STAC: variants seen among roughly 807,000 people sequenced by gnomAD.
STAC encodes SH3 and cysteine-rich domain-containing protein.
In STAC, 43 loss-of-function variants were observed where a neutral mutation model predicts 48.8. That is an observed-to-expected ratio of 0.88 (90% confidence interval 0.69 to 1.14). STAC has a LOEUF of 1.14. Among genes scored for constraint, STAC ranks in the 50% most tolerant of loss-of-function variants. STAC has a pLI of 0.00. For synonymous variants in STAC, 193 were observed against 179.5 expected, an observed-to-expected ratio of 1.07 and a Z score of -0.60; for missense variants, 497 against 504.0, an observed-to-expected ratio of 0.99 and a Z score of 0.13.
At chr3:36,517,108 C>T (rs2125722409) in intron 8 of STAC, among the ~76,000 whole-genome samples, 1 of 152,216 alleles carries the variant, frequency 6.6e-6, no homozygotes, top group South Asian at 2.1e-4. Flanking sequence ...ATCACTGATA[C>T]CCAAGCTGTG....
intron 1 of STAC, among the ~76,000 whole-genome samples, chr3:36,400,976 A>T (rs1261162511): frequency 6.6e-6 from 1 of 152,188 alleles, no homozygotes; most frequent in Admixed American, 6.5e-5. Flanking sequence ...GGTTAGTCCA[A>T]CCTTTCATAC....
At chr3:36,432,538 C>T (rs1037074685) in intron 1 of STAC, among the ~76,000 whole-genome samples, 1 of 151,996 alleles carries the variant, frequency 6.6e-6, no homozygotes, top group Non-Finnish European at 1.5e-5. Context: ...TCCGTCTCTA[C>T]TAAAAATACA....
chr3:36,445,997 T>C (rs1436433530), intron 2 of STAC, among the ~76,000 whole-genome samples: 2 of 152,170 alleles, frequency 1.3e-5, no homozygotes, highest in African/African-American at 4.8e-5. Flanking sequence ...ACCCTTGCCA[T>C]AAGATCCCTG....
At chr3:36,501,723 A>C (rs949687956) in intron 6 of STAC, among the ~76,000 whole-genome samples, 1 of 152,188 alleles carries the variant, frequency 6.6e-6, no homozygotes, top group African/African-American at 2.4e-5. Flanking sequence ...CATTTAAGGA[A>C]GAGAAAATTT....
chr3:36,542,524 G>T (rs1699352304), intron 10 of STAC, among the ~76,000 whole-genome samples: 1 of 152,040 alleles, frequency 6.6e-6, no homozygotes, highest in Non-Finnish European at 1.5e-5. Context: ...GTCTCTTGAG[G>T]CTGGAATTTT....
chr3:36,470,409 T>C (rs1239350840), intron 2 of STAC, among the ~76,000 whole-genome samples: 1 of 152,246 alleles, frequency 6.6e-6, no homozygotes, highest in African/African-American at 2.4e-5. Flanking sequence ...AAGAGTCCTG[T>C]GACGTGATCC....
At chr3:36,447,968 T>G (rs1696562553) in intron 2 of STAC, among the ~76,000 whole-genome samples, 1 of 152,160 alleles carries the variant, frequency 6.6e-6, no homozygotes, top group South Asian at 2.1e-4. Flanking sequence ...CATTTTAAAA[T>G]GCAGCACCCA....
At chr3:36,449,385 G>A (rs1292454606) in intron 2 of STAC, among the ~76,000 whole-genome samples, 3 of 152,120 alleles carry the variant, frequency 2.0e-5, no homozygotes, top group Non-Finnish European at 4.4e-5. Context: ...AATTTGGCGT[G>A]TATCTCCTTA....
chr3:36,484,074 CT>C (rs1697733101), intron 3 of STAC, among the ~76,000 whole-genome samples: 1 of 152,200 alleles, frequency 6.6e-6, no homozygotes, highest in Non-Finnish European at 1.5e-5. Flanking sequence ...ACATCAACAG[CT>C]GTCTTCAACA....
chr3:36,519,620 G>A (rs928924287), intron 8 of STAC, among the ~76,000 whole-genome samples: 10 of 152,286 alleles, frequency 6.6e-5, no homozygotes, highest in Middle Eastern at 3.4e-3. Flanking sequence ...GTTAAGTATG[G>A]TTGCTAAGAC....
intron 10 of STAC, among the ~76,000 whole-genome samples, chr3:36,543,738 G>T (rs553418229): frequency 6.6e-6 from 1 of 152,112 alleles, no homozygotes; most frequent in African/African-American, 2.4e-5. Context: ...ACATTTTTTG[G>T]GTCAGTCCAG....
intron 2 of STAC, among the ~76,000 whole-genome samples, chr3:36,453,837 C>T (rs543132128): frequency 3.3e-4 from 51 of 152,330 alleles, no homozygotes; most frequent in African/African-American, 1.2e-3. Context: ...CGGCACTCTG[C>T]ATCTAGCTCA....
chr3:36,457,192 C>T (rs1458799372), intron 2 of STAC, among the ~76,000 whole-genome samples: 1 of 152,186 alleles, frequency 6.6e-6, no homozygotes, highest in African/African-American at 2.4e-5. Context: ...AATGGATCAT[C>T]ACAAACAAAC....
In STAC at chr3:36,547,620, A is replaced by G. The variant is rs144752655; in HGVS notation, c.*1331A>G. The G allele has an allele frequency of 6.5e-6, 1 of 152,788 alleles. No individual in the cohort carries two copies. The highest frequency in any genetic ancestry group is 6.5e-5 in the Admixed American group (1 of 15,302). The allele number at this position is 152,788 out of a possible 1,614,324, so 9.5% of individuals were successfully genotyped here. ...ATTTATTTTGTTACAGAGCAATAAAATCATTAGAACAATGGTTTTTAAAAG... is the reference window on the plus strand; with the variant it reads ...ATTTATTTTGTTACAGAGCAATAAAGTCATTAGAACAATGGTTTTTAAAAG... On this transcript the variant is annotated 3_prime_UTR_variant, in exon 11 of 11. Coordinates refer to ENST00000273183, the MANE Select transcript of STAC (RefSeq NM_003149.3).
chr3:36,407,125 T>C (rs1214191405), intron 1 of STAC, among the ~76,000 whole-genome samples: 7 of 152,234 alleles, frequency 4.6e-5, no homozygotes, highest in African/African-American at 1.4e-4. Context: ...TACTATATGT[T>C]CACTTAAGTG....
chr3:36,387,974 T>G (rs543820250), intron 1 of STAC, among the ~76,000 whole-genome samples: 15 of 152,106 alleles, frequency 9.9e-5, no homozygotes, highest in Non-Finnish European at 1.5e-4. Context: ...GATTCCAGTT[T>G]CTCTGCATCC....
chr3:36,451,317 T>C (rs114815330), intron 2 of STAC, among the ~76,000 whole-genome samples: 1 of 152,238 alleles, frequency 6.6e-6, no homozygotes, highest in Non-Finnish European at 1.5e-5. Flanking sequence ...TTTGTTCCCC[T>C]ATGATTTCAG....
chr3:36,477,056 T>C (rs1697511640), intron 2 of STAC, among the ~76,000 whole-genome samples: 1 of 152,220 alleles, frequency 6.6e-6, no homozygotes, highest in Non-Finnish European at 1.5e-5. Context: ...ATCTAAGTAA[T>C]ATTTATGGAC....
At chr3:36,384,849 T>C (rs1304875365) in intron 1 of STAC, among the ~76,000 whole-genome samples, 3 of 152,194 alleles carry the variant, frequency 2.0e-5, no homozygotes, top group African/African-American at 7.2e-5. Context: ...TCTCTAACCA[T>C]GAAGACGTGC....
Sources: gnomAD v4.1 joint callset for allele counts (sites outside exome capture counted in the v4.1 genomes callset) on GRCh38, gnomAD v4.1.1 for gene constraint, MANE v1.5 for transcripts, NCBI Gene and HGNC (gene_info 2026-07-23, HGNC 2026-07-21) for gene names.